CD3G: variants seen among roughly 807,000 people sequenced by gnomAD.
CD3G encodes T-cell surface glycoprotein CD3 gamma chain.
In CD3G, 24 loss-of-function variants were observed where a neutral mutation model predicts 28.3. The ratio of observed to expected loss-of-function variants is 0.85; its 90% confidence interval spans 0.61 to 1.19. The LOEUF is 1.19. CD3G is among the 50% of genes most tolerant of loss of function. CD3G has a pLI of 0.00. For missense variants in CD3G, 211 were observed against 210.0 expected, an observed-to-expected ratio of 1.00 and a Z score of -0.03; for synonymous variants, 71 against 75.9, an observed-to-expected ratio of 0.93 and a Z score of 0.34.
At position 118,355,147 on chromosome 11, in the gene CD3G, T is replaced by C. The variant is rs770799750; in HGVS notation, c.*2047T>C. ...ACTATTTGTAACAAACACAAATAAA[T>C]TGAATTGTTGGGCACTTGTATTTGC... On this transcript the variant is annotated 3_prime_UTR_variant, in exon 7 of 7. Transcript: ENST00000532917. 3.3e-5 allele frequency: 5 copies of C among 151,892 alleles called. No homozygotes were observed. Among genetic ancestry groups the C allele is most frequent in the Admixed American group, 6.6e-5 (1 of 15,250 alleles). The allele number at this position is 151,892 out of a possible 1,614,324, so 9.4% of individuals were successfully genotyped here.
At position 118,350,646 on chromosome 11, in the gene CD3G, C is replaced by G; in HGVS notation, c.402C>G (p.Tyr134Ter). The change falls in exon 4 of 7, where the codon TAC (tyrosine) becomes TAG (stop). Residue 134 changes from tyrosine (Y) to a stop codon, truncating the protein, a stop_gained. Transcript: ENST00000532917. LOFTEE classifies it high-confidence loss of function. ...TTTTCGTCCTTGCTGTTGGGGTCTA[C>G]TTCATTGCTGGACAGGATGGAGTTC... ...VSIFVLAVGV[Y>*]FIAGQDGVRQ... The G allele has an allele frequency of 6.2e-7, 1 of 1,613,926 alleles. No individual in the cohort carries two copies. The highest frequency in any genetic ancestry group is 8.5e-7 in the Non-Finnish European group (1 of 1,179,982).
intron 2 of CD3G, chr11:118,349,266 G>T: frequency 6.8e-7 from 1 of 1,468,620 alleles, no homozygotes; most frequent in Non-Finnish European, 9.0e-7. Context: ...TCTTACAGGA[G>T]AAGCAGGACC....
At chr11:118,352,713 G>T (rs1317562623) in intron 6 of CD3G, among the ~76,000 whole-genome samples, 2 of 152,304 alleles carry the variant, frequency 1.3e-5, no homozygotes, top group Admixed American at 1.3e-4. Flanking sequence ...TGTCAGAGCA[G>T]GGCCTCAAGC....
chr11:118,350,893 A>AAAAAAAAAAAG, intron 4 of CD3G: 1 of 1,219,940 alleles, frequency 8.2e-7, no homozygotes, highest in Non-Finnish European at 1.0e-6. Flanking sequence ...CTCTGTGAAA[A>AAAAAAAAAAAG]AAAAAAAAAA....
intron 1 of CD3G, among the ~76,000 whole-genome samples, chr11:118,347,721 C>A (rs1344781587): frequency 6.6e-6 from 1 of 152,166 alleles, no homozygotes; most frequent in Non-Finnish European, 1.5e-5. Flanking sequence ...ACCTCCCAGG[C>A]TCAACCATTC....
At chr11:118,349,523 CT>C (rs1220260633) in intron 2 of CD3G, 9 of 626,208 alleles carry the variant, frequency 1.4e-5, no homozygotes, top group Non-Finnish European at 2.2e-5. Flanking sequence ...TCTTCACCCC[CT>C]GACGCAGATA....
intron 1 of CD3G, 36 bp from the exon 2 acceptor site, chr11:118,348,991 C>T: frequency 6.2e-7 from 1 of 1,613,190 alleles, no homozygotes; most frequent in Non-Finnish European, 8.5e-7. Flanking sequence ...CAACTCCATG[C>T]CCAGCTAATA....
At chr11:118,349,674 TG>T in intron 2 of CD3G, 68 bp from the exon 3 acceptor site, 1 of 1,132,736 alleles carries the variant, frequency 8.8e-7, no homozygotes, top group Non-Finnish European at 1.3e-6. Context: ...AATGATCTCC[TG>T]GTATGCAGAA....
chr11:118,354,209 C>T lies in CD3G; in HGVS notation c.*1109C>T, dbSNP rs1028802303. On this transcript the variant is annotated 3_prime_UTR_variant, in exon 7 of 7. Transcript: ENST00000532917. ...CCCATCTTAAGTGATTTCACCTGTTCTCAGAAATTTTTAGTAAATTTAACT... is the reference window on the plus strand; with the variant it reads ...CCCATCTTAAGTGATTTCACCTGTTTTCAGAAATTTTTAGTAAATTTAACT... The T allele has an allele frequency of 2.6e-5, 4 of 152,040 alleles. No homozygotes were observed. Among genetic ancestry groups the T allele is most frequent in the African/African-American group, 9.7e-5 (4 of 41,396 alleles). 9.4% of individuals were successfully genotyped at this position (152,040 alleles called of 1,614,324 possible).
At chr11:118,349,285 T>G in intron 2 of CD3G, 1 of 1,433,768 alleles carries the variant, frequency 7.0e-7, no homozygotes, top group Non-Finnish European at 9.1e-7. Context: ...CCCTAGTAGC[T>G]AGGGACACAT....
chr11:118,351,434 C>T (rs1418842424), intron 4 of CD3G, among the ~76,000 whole-genome samples, 194 bp from the exon 5 acceptor site: 2 of 152,034 alleles, frequency 1.3e-5, no homozygotes, highest in Admixed American at 1.3e-4. Flanking sequence ...TTGTTTTTGT[C>T]CTTTATGTAA....
At chr11:118,345,157 A>G (rs1444671190) in intron 1 of CD3G, among the ~76,000 whole-genome samples, 4 of 152,166 alleles carry the variant, frequency 2.6e-5, no homozygotes, top group African/African-American at 9.7e-5. Context: ...AGGAAGAGGG[A>G]GCTGAAGATG....
At chr11:118,348,733 G>A (rs925056803) in intron 1 of CD3G, among the ~76,000 whole-genome samples, 2 of 152,162 alleles carry the variant, frequency 1.3e-5, no homozygotes, top group Non-Finnish European at 2.9e-5. Flanking sequence ...ATAAACTCAG[G>A]TATGGTCTAA....
In CD3G at chr11:118,353,263, G is replaced by A. The variant is rs1948425055; in HGVS notation, c.*163G>A. ...GAAGAAAGGCCATCAGAGCAAATTT[G>A]GGGGTTTCTCAAATAAAATAAAAAT... On this transcript the variant is annotated 3_prime_UTR_variant, in exon 7 of 7. Coordinates refer to ENST00000532917, the MANE Select transcript of CD3G (RefSeq NM_000073.3). 1 of 152,012 alleles carries A rather than the reference G, an allele frequency of 6.6e-6. No homozygotes were observed. The highest frequency in any genetic ancestry group is 1.5e-5 in the Non-Finnish European group (1 of 68,002). The allele number at this position is 152,012 out of a possible 1,614,324, so 9.4% of individuals were successfully genotyped here. A position where few individuals can be genotyped will look rare whatever the true frequency, so the allele number is the denominator to read the frequency against.
rs956144475 is a variant in CD3G at position 118,344,574 on chromosome 11, C to T, written c.55+96C>T. On this transcript the variant is annotated intron_variant, in intron 1 of 6. Transcript: ENST00000532917. The stretch of plus-strand genomic sequence containing the variant: ...GAATATTGGTATCCCTAACCTTCAG[C>T]CTACCTCTGCTGTCACCTTAGAGTT... 1.2e-5 allele frequency: 13 copies of T among 1,051,238 alleles called. No individual in the cohort carries two copies. The African/African-American group carries it at 2.0e-4, about 17-fold the overall frequency. The allele number at this position is 1,051,238 out of a possible 1,614,324, so 65.1% of individuals were successfully genotyped here. A position where few individuals can be genotyped will look rare whatever the true frequency, so the allele number is the denominator to read the frequency against.
intron 4 of CD3G, 174 bp downstream of exon 4, chr11:118,350,857 G>T: frequency 8.6e-7 from 1 of 1,164,884 alleles, no homozygotes. Flanking sequence ...ATCACAGCAT[G>T]TTCACCTGTC....
chr11:118,347,956 G>A (rs1446234709), intron 1 of CD3G, among the ~76,000 whole-genome samples: 17 of 152,122 alleles, frequency 1.1e-4, no homozygotes, highest in Admixed American at 1.1e-3. Context: ...AGGACTAATT[G>A]AAAAGCTAAC....
At chr11:118,348,702 C>T (rs1948378701) in intron 1 of CD3G, among the ~76,000 whole-genome samples, 1 of 152,198 alleles carries the variant, frequency 6.6e-6, no homozygotes. Flanking sequence ...TGACCAGCAC[C>T]ATCCTGAGTC....
At position 118,344,392 on chromosome 11, in the gene CD3G, C is replaced by G. The variant is rs372956565; in HGVS notation, c.-32C>G. On this transcript the variant is annotated 5_prime_UTR_variant, in exon 1 of 7. Coordinates refer to ENST00000532917, the MANE Select transcript of CD3G (RefSeq NM_000073.3). ...CTGGCTGGCTGGCTGCTAAGGGCTG[C>G]TCCACGCTTTTGCCGGAGGACAGAG... 3.9e-6 allele frequency: 6 copies of G among 1,552,528 alleles called. No individual in the cohort carries two copies. Among genetic ancestry groups the G allele is most frequent in the East Asian group, 2.4e-5 (1 of 41,608 alleles).
Sources: gnomAD v4.1 joint callset for allele counts (sites outside exome capture counted in the v4.1 genomes callset) on GRCh38, gnomAD v4.1.1 for gene constraint, MANE v1.5 for transcripts, NCBI Gene and HGNC (gene_info 2026-07-23, HGNC 2026-07-21) for gene names.